The following IGF2BP3 variants were observed in gnomAD, a reference collection of about 807,000 sequenced individuals.
IGF2BP3 encodes the protein insulin-like growth factor 2 mRNA-binding protein 3.
Under a neutral mutation model 73.8 loss-of-function variants are expected in IGF2BP3, and 9 were observed. That is an observed-to-expected ratio of 0.12 (90% CI 0.07 to 0.21). The LOEUF (loss-of-function observed/expected upper bound fraction) is 0.21, where lower values mean the gene tolerates loss of function less well. Ranked by LOEUF, IGF2BP3 falls within the 10% of genes least tolerant of loss-of-function variation. The pLI, the probability that IGF2BP3 is intolerant of heterozygous loss-of-function variation, is 1.00. For missense variants in IGF2BP3, 542 were observed against 714.0 expected, an observed-to-expected ratio of 0.76 and a Z score of 2.75; for synonymous variants, 258 against 256.7, an observed-to-expected ratio of 1.01 and a Z score of -0.05.
chr7:23,460,156 G>GTGA (rs1788410934), intron 2 of IGF2BP3, among the ~76,000 whole-genome samples: 10 of 140,432 alleles, frequency 7.1e-5, no homozygotes, highest in Middle Eastern at 3.8e-3. Context: ...TCCAGCCTGG[G>GTGA]CAACCGTGCG....
intron 10 of IGF2BP3, among the ~76,000 whole-genome samples, chr7:23,325,593 A>C (rs1168521637): frequency 6.6e-6 from 1 of 151,824 alleles, no homozygotes; most frequent in African/African-American, 2.4e-5. Context: ...ATACAGAACC[A>C]AAAAAGAGCC....
At chr7:23,463,665 T>A (rs115332824) in intron 2 of IGF2BP3, among the ~76,000 whole-genome samples, 3 of 152,178 alleles carry the variant, frequency 2.0e-5, no homozygotes, top group African/African-American at 7.2e-5. Context: ...AGATTCTCGA[T>A]TTCCACTGGC....
At position 23,354,482 on chromosome 7, in the gene IGF2BP3, A is replaced by G. The variant is rs114504476; in HGVS notation, c.402-2896T>C. On this transcript the variant is annotated intron_variant, in intron 5 of 14. Transcript: ENST00000258729. ...TTTTGACTAGTAAATTAAGTCATTA[A>G]TGTTACAAAAATGGTAGATAACTCT... Among the ~76,000 whole-genome samples, 985 of 152,318 alleles carry G rather than the reference A, an allele frequency of 6.5e-3. 15 individuals are homozygous for G. The highest frequency in any genetic ancestry group is 0.022 in the African/African-American group (920 of 41,568).
At chr7:23,417,502 T>C (rs901198808) in intron 3 of IGF2BP3, among the ~76,000 whole-genome samples, 1 of 152,230 alleles carries the variant, frequency 6.6e-6, no homozygotes, top group African/African-American at 2.4e-5. Context: ...GAAGAGATTA[T>C]GAATGAATTA....
At chr7:23,414,330 A>C (rs1295370691) in intron 3 of IGF2BP3, 1 of 152,178 alleles carries the variant, frequency 6.6e-6, no homozygotes, top group African/African-American at 2.4e-5. Flanking sequence ...TCCCCTTCTG[A>C]TCATTTAGTA....
intron 7 of IGF2BP3, among the ~76,000 whole-genome samples, chr7:23,346,780 AC>A (rs1222187769): frequency 6.6e-6 from 1 of 151,930 alleles, no homozygotes; most frequent in Non-Finnish European, 1.5e-5. Flanking sequence ...TTCAGTAGAG[AC>A]GGGGTTTCAC....
intron 2 of IGF2BP3, among the ~76,000 whole-genome samples, chr7:23,434,192 ATTACTAAACTTT>A (rs1787755026): frequency 6.6e-6 from 1 of 152,130 alleles, no homozygotes; most frequent in African/African-American, 2.4e-5. Context: ...GTGTTTTAAG[ATTACTAAACTTT>A]TAAAACCACT....
intron 10 of IGF2BP3, among the ~76,000 whole-genome samples, chr7:23,319,558 C>T (rs1238010871): frequency 6.6e-6 from 1 of 151,608 alleles, no homozygotes; most frequent in Non-Finnish European, 1.5e-5. Flanking sequence ...ATTAGAATAG[C>T]GGGACATGCT....
chr7:23,321,056 C>A (rs192939039), intron 10 of IGF2BP3, among the ~76,000 whole-genome samples: 1 of 151,758 alleles, frequency 6.6e-6, no homozygotes, highest in South Asian at 2.1e-4. Context: ...GATATTTTGT[C>A]GGGAGGGAGG....
intron 2 of IGF2BP3, among the ~76,000 whole-genome samples, chr7:23,460,821 C>T (rs1411532432): frequency 1.3e-5 from 2 of 151,904 alleles, no homozygotes; most frequent in Admixed American, 1.3e-4. Flanking sequence ...CATGGTGGTG[C>T]GCACCTGTAG....
intron 2 of IGF2BP3, among the ~76,000 whole-genome samples, chr7:23,453,804 G>A (rs1214944823): frequency 6.6e-6 from 1 of 152,052 alleles, no homozygotes; most frequent in East Asian, 1.9e-4. Flanking sequence ...ATTATCGTTG[G>A]CACTTCCCTA....
intron 10 of IGF2BP3, among the ~76,000 whole-genome samples, chr7:23,330,613 A>G (rs1487903838): frequency 6.6e-6 from 1 of 152,172 alleles, no homozygotes; most frequent in Admixed American, 6.5e-5. Flanking sequence ...ACTGAAGATT[A>G]AGAACTGAAA....
intron 10 of IGF2BP3, among the ~76,000 whole-genome samples, chr7:23,329,133 A>T (rs1784379768): frequency 6.6e-6 from 1 of 152,060 alleles, no homozygotes. Flanking sequence ...GAATGGCATG[A>T]ACCCGGAAGG....
At chr7:23,378,078 C>T (rs1309635303) in intron 3 of IGF2BP3, among the ~76,000 whole-genome samples, 2 of 152,022 alleles carry the variant, frequency 1.3e-5, no homozygotes, top group African/African-American at 2.4e-5. Flanking sequence ...GAATTGTATG[C>T]TTCAGAAAGG....
At chr7:23,464,549 T>C (rs1788519741) in intron 2 of IGF2BP3, among the ~76,000 whole-genome samples, 1 of 152,108 alleles carries the variant, frequency 6.6e-6, no homozygotes, top group East Asian at 1.9e-4. Flanking sequence ...CCAGGCATGG[T>C]GGCGCATGCC....
Position 23,312,159 on chromosome 7 carries a change from G to T in IGF2BP3, c.*203C>A. The T allele has an allele frequency of 2.9e-4, 84 of 290,882 alleles. No homozygotes were observed. The highest frequency in any genetic ancestry group is 1.2e-3 in the Middle Eastern group (1 of 848). 18.0% of individuals were successfully genotyped at this position (290,882 alleles called of 1,614,324 possible). ...TGTTTGTTTGTTTGTTTGTTTTAAA[G>T]CTGGGTGTCATACATTTCAGAGAGC... On this transcript the variant is annotated 3_prime_UTR_variant, in exon 15 of 15. Coordinates refer to ENST00000258729, the MANE Select transcript of IGF2BP3 (RefSeq NM_006547.3).
At chr7:23,314,222 GCC>G (rs1783913474) in intron 12 of IGF2BP3, among the ~76,000 whole-genome samples, 1 of 143,056 alleles carries the variant, frequency 7.0e-6, no homozygotes, top group African/African-American at 2.6e-5. Context: ...TTACTTTGTT[GCC>G]CAGGCTGGAG....
chr7:23,337,509 A>G (rs550491518), intron 10 of IGF2BP3, among the ~76,000 whole-genome samples: 1 of 152,290 alleles, frequency 6.6e-6, no homozygotes, highest in South Asian at 2.1e-4. Flanking sequence ...TGTCCCCAAC[A>G]TGTATTTTCC....
At chr7:23,446,455 C>T (rs1001547667) in intron 2 of IGF2BP3, among the ~76,000 whole-genome samples, 1 of 151,838 alleles carries the variant, frequency 6.6e-6, no homozygotes. Flanking sequence ...CCCAGCTATT[C>T]GGGAGGCAGG....
Sources: gnomAD v4.1 joint callset for allele counts (sites outside exome capture counted in the v4.1 genomes callset) on GRCh38, gnomAD v4.1.1 for gene constraint, MANE v1.5 for transcripts, NCBI Gene and HGNC (gene_info 2026-07-23, HGNC 2026-07-21) for gene names.